Variants in FGA observed in about 807,000 individuals in gnomAD.
The protein encoded by FGA is fibrinogen, A alpha polypeptide.
Under a neutral mutation model 20.3 loss-of-function variants are expected in FGA, and 20 were observed. That is an observed-to-expected ratio of 0.99 (90% confidence interval 0.69 to 1.43). FGA has a LOEUF of 1.43. Ranked by LOEUF, FGA falls within the 40% of genes most tolerant of loss-of-function variation. The pLI, the probability that FGA is intolerant of heterozygous loss-of-function variation, is 0.00. For missense variants in FGA, 777 were observed against 784.7 expected (o/e 0.99, Z 0.12); for synonymous variants, 306 against 281.6 (o/e 1.09, Z -0.87).
rs1263549186 is a variant in FGA, at chr4:154,589,036, G to T, written c.181-60C>A. On this transcript the variant is annotated intron_variant, in intron 2 of 4. Transcript: ENST00000403106. ...TATCTCTCAGATTCAGAATAATTTT[G>T]CATGTTTCCATGCAGCCCCCATTTC... is the stretch of plus-strand genomic sequence containing the variant. 4.8e-6 allele frequency: 7 copies of T among 1,463,608 alleles called. No individual in the cohort carries two copies. In the African/African-American group the frequency reaches 5.6e-5, roughly 12 times the overall value. 90.7% of individuals were successfully genotyped at this position (1,463,608 alleles called of 1,614,324 possible). A position where few individuals can be genotyped will look rare whatever the true frequency, so the allele number is the denominator to read the frequency against.
In FGA at chr4:154,586,533, C is replaced by A. The variant is rs753399163; in HGVS notation, c.896G>T (p.Ser299Ile). 3 of 1,614,168 alleles carry A rather than the reference C, an allele frequency of 1.9e-6. No homozygotes were observed. Among genetic ancestry groups the A allele is most frequent in the South Asian group, 2.2e-5 (2 of 91,076 alleles). Residue 299 changes from serine (S) to isoleucine (I), a missense_variant, in exon 5 of 5, where the codon AGC (serine) becomes ATC (isoleucine). Physicochemically the swap from Ser to Ile is moderately radical, Grantham distance 142. Coordinates refer to ENST00000403106, the MANE Select transcript of FGA (RefSeq NM_021871.4). ...PSSAGSWNSG[S>I]SGPGSTGNRN... The stretch of plus-strand genomic sequence containing the variant: ...GTTTCCAGTACTTCCAGGTCCAGAG[C>A]TCCCAGAGTTCCAGCTTCCAGCACT...
In FGA at chr4:154,588,985, GA is replaced by G. The variant is rs757010520; in HGVS notation, c.181-10del. 3 of 1,608,876 alleles carry G rather than the reference GA, an allele frequency of 1.9e-6. No homozygotes were observed. In the South Asian group the frequency reaches 3.3e-5, roughly 18 times the overall value. ...GAAGGGCATTTGTAGTTCTGAAAGT[GA>G]AGGGAGAAAATTACAGTAAGGATCT... is the stretch of plus-strand genomic sequence containing the variant. On this transcript the variant is annotated splice_polypyrimidine_tract_variant and intron_variant, in intron 2 of 4. Transcript: ENST00000403106.
rs376629642 is a variant in FGA at position 154,586,062 on chromosome 4, G to A, written c.1367C>T (p.Thr456Ile). ...KEKVTSGSTT[T>I]TRRSCSKTVT... is the part of the protein sequence containing the mutation. ...GGTTTTAGAGCATGAACGACGCGTGGTGGTTGTGCTACCAGAGGTGACCTT... is the reference window on the plus strand; with the variant it reads ...GGTTTTAGAGCATGAACGACGCGTGATGGTTGTGCTACCAGAGGTGACCTT... The change falls in exon 5 of 5, where the codon ACC (threonine) becomes ATC (isoleucine). Residue 456 changes from threonine to isoleucine, a missense_variant. By Grantham distance (89) the Thr-to-Ile change is moderately conservative (BLOSUM62 -1). Transcript: ENST00000403106. The A allele has an allele frequency of 5.0e-6, 8 of 1,614,034 alleles. No individual in the cohort carries two copies. The highest frequency in any genetic ancestry group is 1.7e-5 in the Admixed American group (1 of 60,000).
At chr4:154,588,756 T>C (rs1308283849) in intron 3 of FGA, 37 bp downstream of exon 3, 3 of 1,444,446 alleles carry the variant, frequency 2.1e-6, no homozygotes, top group East Asian at 4.5e-5. Flanking sequence ...TTGTTGTTTC[T>C]GTTATAAAGT....
At chr4:154,584,234 T>C, downstream of FGA, 1 of 1,610,704 alleles carries the variant, frequency 6.2e-7, no homozygotes, top group Non-Finnish European at 8.5e-7. Context: ...GGACTGTTAT[T>C]CCTTGGGTCA....
chr4:154,587,765 A>AAGAAAGAAAGAG lies in FGA; in HGVS notation c.365-109_365-108insCTCTTTCTTTCT. The AAGAAAGAAAGAG allele has an allele frequency of 6.1e-6, 4 of 654,874 alleles. No homozygotes were observed. In the South Asian group the frequency reaches 7.5e-5, roughly 12 times the overall value. The allele number at this position is 654,874 out of a possible 1,614,324, so 40.6% of individuals were successfully genotyped here. ...GGAAGGAGAAAGAAAGAAAGAAAGAAAGAAAGAAAGAAAGAAAGAAAGAAA... is the reference window on the plus strand; with the variant it reads ...GGAAGGAGAAAGAAAGAAAGAAAGAAAGAAAGAAAGAGAGAAAGAAAGAAAGAAAGAAAGAAA... On this transcript the variant is annotated intron_variant, in intron 3 of 4. Transcript: ENST00000403106.
At chr4:154,587,768 AAAGAAAGAAAG>A (rs1301463366) in intron 3 of FGA, 111 bp from the exon 4 acceptor site, 4 of 677,810 alleles carry the variant, frequency 5.9e-6, no homozygotes, top group Non-Finnish European at 1.0e-5. Flanking sequence ...AGAAAGAAAG[AAAGAAAGAAAG>A]AAAGAAAGAA....
chr4:154,587,844 A>G (rs1332050196), intron 3 of FGA, among the ~76,000 whole-genome samples, 187 bp from the exon 4 acceptor site: 1 of 152,148 alleles, frequency 6.6e-6, no homozygotes, highest in Non-Finnish European at 1.5e-5. Context: ...AATATGCCTA[A>G]TTTTATTTTG....
chr4:154,586,085 C>T lies in FGA; in HGVS notation c.1344G>A (p.Lys448=), dbSNP rs558935860. 1.9e-6 allele frequency: 3 copies of T among 1,614,144 alleles called. No individual in the cohort carries two copies. The East Asian group carries it at 6.7e-5, about 36-fold the overall frequency. The change falls in exon 5 of 5, where the codon AAG becomes AAA. Residue 448 remains lysine, a synonymous_variant. Transcript: ENST00000403106. The part of the protein sequence containing the change: ...GDKELRTGKE[K]VTSGSTTTTR... ...TGGTGGTTGTGCTACCAGAGGTGAC[C>T]TTCTCTTTACCAGTCCTGAGCTCTT...
At chr4:154,583,969 A>G, downstream of FGA, 1 of 662,546 alleles carries the variant, frequency 1.5e-6, no homozygotes, top group Non-Finnish European at 2.7e-6. Context: ...AAAGACTAAT[A>G]TGTCTCAGGT....
At chr4:154,588,761 TA>T in intron 3 of FGA, 31 bp downstream of exon 3, 1 of 1,492,780 alleles carries the variant, frequency 6.7e-7, no homozygotes, top group Non-Finnish European at 9.3e-7. Context: ...GTTTCTGTTA[TA>T]AAGTCAAAGC....
intron 2 of FGA, 64 bp downstream of exon 2, chr4:154,589,373 C>A: frequency 6.2e-7 from 1 of 1,600,994 alleles, no homozygotes; most frequent in Non-Finnish European, 8.5e-7. Flanking sequence ...CCAATCAGGT[C>A]AGCCTGTGAG....
chr4:154,586,072 TACCAGAGGTG>T lies in FGA; in HGVS notation c.1347_1356del (p.Thr450AlafsTer31). ...CATGAACGACGCGTGGTGGTTGTGCTACCAGAGGTGACCTTCTCTTTACCAGTCCTGAGCT... is the reference window on the plus strand; with the variant it reads ...CATGAACGACGCGTGGTGGTTGTGCTACCTTCTCTTTACCAGTCCTGAGCT... On this transcript the variant is annotated frameshift_variant, in exon 5 of 5. Coordinates refer to ENST00000403106, the MANE Select transcript of FGA (RefSeq NM_021871.4). LOFTEE classifies it low-confidence loss of function (END_TRUNC). 6.2e-7 allele frequency: 1 copy of T among 1,614,172 alleles called. No individual in the cohort carries two copies.
chr4:154,590,146 G>A (rs151129090), intron 1 of FGA, among the ~76,000 whole-genome samples: 2 of 152,256 alleles, frequency 1.3e-5, no homozygotes, highest in East Asian at 1.9e-4. Flanking sequence ...AAGATAATTC[G>A]TTTGCTTTTT....
rs1553964330 is a variant in FGA, at chr4:154,587,804, A to AAAGAAAGAAAGAAAGG, written c.365-148_365-147insCCTTTCTTTCTTTCTT. 3 of 676,032 alleles carry AAAGAAAGAAAGAAAGG rather than the reference A, an allele frequency of 4.4e-6. No individual in the cohort carries two copies. The African/African-American group carries it at 6.6e-5, about 15-fold the overall frequency. The allele number at this position is 676,032 out of a possible 1,614,324, so 41.9% of individuals were successfully genotyped here. The stretch of plus-strand genomic sequence containing the variant: ...GAAAGAAAGAAAGAAAGAAAGAAAG[A>AAAGAAAGAAAGAAAGG]GAAAAAAGAAAGAAAGAAACTAGCT... On this transcript the variant is annotated intron_variant, in intron 3 of 4. Coordinates refer to ENST00000403106, the MANE Select transcript of FGA (RefSeq NM_021871.4).
chr4:154,588,356 A>G (rs922484462), intron 3 of FGA, among the ~76,000 whole-genome samples: 1 of 152,138 alleles, frequency 6.6e-6, no homozygotes, highest in East Asian at 1.9e-4. Context: ...TTGACCCTAT[A>G]TTTTAAATTT....
In FGA at chr4:154,585,500, G is replaced by C. The variant is rs1730683021; in HGVS notation, c.1929C>G (p.Ser643=). 1 of 1,577,474 alleles carries C rather than the reference G, an allele frequency of 6.3e-7. No homozygotes were observed. The highest frequency in any genetic ancestry group is 1.7e-5 in the Admixed American group (1 of 59,940). Residue 643 remains serine (S), a synonymous_variant, in exon 5 of 5, where the codon TCC becomes TCG. Coordinates refer to ENST00000403106, the MANE Select transcript of FGA (RefSeq NM_021871.4). The stretch of plus-strand genomic sequence containing the variant: ...CAGAAATATTTAACTTAGTCTAGGG[G>C]GACAGGGAAGGCTTCCCCAAAGGAG... ...HTSPLGKPSL[S]P
chr4:154,589,655 A>T (rs1047128399), intron 1 of FGA, 93 bp from the exon 2 acceptor site: 10 of 1,383,652 alleles, frequency 7.2e-6, no homozygotes, highest in Non-Finnish European at 1.0e-5. Flanking sequence ...CCAGGAAGAG[A>T]TGGCACTCTC....
intron 2 of FGA, 129 bp downstream of exon 2, chr4:154,589,308 T>C: frequency 8.8e-7 from 1 of 1,135,002 alleles, no homozygotes. Context: ...TCCTTTTCTT[T>C]ATTTGCTATG....
Sources: gnomAD v4.1 joint callset for allele counts (sites outside exome capture counted in the v4.1 genomes callset) on GRCh38, gnomAD v4.1.1 for gene constraint, MANE v1.5 for transcripts, NCBI Gene and HGNC (gene_info 2026-07-23, HGNC 2026-07-21) for gene names.